Variants in NRG4 observed in about 807,000 individuals in gnomAD.
NRG4 encodes the protein neuregulin 4, also known as pro-neuregulin-4, membrane-bound isoform.
A neutral mutation model predicts 15.0 loss-of-function variants in NRG4; 10 were observed. The observed-to-expected ratio is 0.67, with a 90% confidence interval of 0.41 to 1.13. The LOEUF (loss-of-function observed/expected upper bound fraction) is 1.13, where lower values mean the gene tolerates loss of function less well. NRG4 is among the 50% of genes most tolerant of loss of function. The pLI, the probability that NRG4 is intolerant of heterozygous loss-of-function variation, is 0.00. For synonymous variants in NRG4, 41 were observed against 50.1 expected, an observed-to-expected ratio of 0.82 and a Z score of 0.77; for missense variants, 139 against 140.2, an observed-to-expected ratio of 0.99 and a Z score of 0.04.
chr15:75,980,843 T>A (rs977364182), intron 3 of NRG4, among the ~76,000 whole-genome samples: 12 of 150,542 alleles, frequency 8.0e-5, no homozygotes, highest in Non-Finnish European at 8.9e-5. Context: ...GAAAAAAAAA[T>A]AAAAAATGGT....
chr15:76,036,148 G>T (rs1045883505), intron 4 of NRG4, among the ~76,000 whole-genome samples: 1 of 152,112 alleles, frequency 6.6e-6, no homozygotes, highest in African/African-American at 2.4e-5. Context: ...ATCAGATTAG[G>T]TTTCTAAGAC....
chr15:75,994,182 C>G (rs1567097754), intron 3 of NRG4, among the ~76,000 whole-genome samples: 3 of 152,190 alleles, frequency 2.0e-5, no homozygotes, highest in Non-Finnish European at 4.4e-5. Flanking sequence ...ACTCTAAACT[C>G]TATCTCTCCT....
At chr15:75,987,888 A>G (rs1346658003) in intron 3 of NRG4, among the ~76,000 whole-genome samples, 1 of 152,214 alleles carries the variant, frequency 6.6e-6, no homozygotes, top group African/African-American at 2.4e-5. Flanking sequence ...TGCTTCAATA[A>G]TCAAAAGCAG....
chr15:76,023,170 AC>A (rs1567116186), intron 5 of NRG4, among the ~76,000 whole-genome samples: 16 of 147,834 alleles, frequency 1.1e-4, no homozygotes, highest in South Asian at 1.1e-3. Context: ...ACACACACAC[AC>A]ACACACACAC....
chr15:76,028,250 A>T (rs2035368642), intron 5 of NRG4, among the ~76,000 whole-genome samples: 1 of 152,042 alleles, frequency 6.6e-6, no homozygotes, highest in Non-Finnish European at 1.5e-5. Context: ...AACAAAATTG[A>T]CAAATCAGTA....
intron 4 of NRG4, among the ~76,000 whole-genome samples, chr15:76,036,434 T>C (rs2035598701): frequency 6.6e-6 from 1 of 152,216 alleles, no homozygotes; most frequent in Non-Finnish European, 1.5e-5. Context: ...CCTCAACTCA[T>C]AGTTTTTTAT....
chr15:75,968,294 A>G (rs1040042287), intron 3 of NRG4, among the ~76,000 whole-genome samples: 2 of 152,186 alleles, frequency 1.3e-5, no homozygotes, highest in African/African-American at 4.8e-5. Flanking sequence ...TGATCTAAAA[A>G]ATAAAGTCTA....
At chr15:75,944,769 G>A (rs959557384) in intron 5 of NRG4, among the ~76,000 whole-genome samples, 1 of 138,104 alleles carries the variant, frequency 7.2e-6, no homozygotes, top group East Asian at 2.0e-4. Context: ...GTGTGTGTGT[G>A]GGGGGGTGGT....
chr15:76,037,956 C>A (rs552320207), intron 4 of NRG4, among the ~76,000 whole-genome samples: 2 of 152,188 alleles, frequency 1.3e-5, no homozygotes, highest in South Asian at 4.2e-4. Flanking sequence ...AGAATTGTGG[C>A]CCCCATTCCA....
chr15:76,054,342 C>T (rs1040281253), intron 2 of NRG4, among the ~76,000 whole-genome samples: 1 of 151,774 alleles, frequency 6.6e-6, no homozygotes, highest in Non-Finnish European at 1.5e-5. Context: ...CTGCCCGCCT[C>T]AGCCTCCCAA....
At chr15:76,036,490 G>T (rs559973200) in intron 4 of NRG4, among the ~76,000 whole-genome samples, 1 of 152,082 alleles carries the variant, frequency 6.6e-6, no homozygotes, top group Non-Finnish European at 1.5e-5. Context: ...CAGAGAATGG[G>T]CTCTGGAGCC....
At chr15:75,964,321 A>G (rs943522575) in intron 3 of NRG4, among the ~76,000 whole-genome samples, 17 of 151,950 alleles carry the variant, frequency 1.1e-4, no homozygotes, top group African/African-American at 4.1e-4. Flanking sequence ...AACAAAAATA[A>G]AATAAAACCC....
intron 3 of NRG4, among the ~76,000 whole-genome samples, chr15:75,982,387 T>C (rs2033640772): frequency 1.3e-5 from 2 of 152,176 alleles, no homozygotes; most frequent in African/African-American, 4.8e-5. Flanking sequence ...AACATGATCA[T>C]GTCCTTAGAC....
At chr15:76,019,103 G>C (rs376302479) in intron 5 of NRG4, among the ~76,000 whole-genome samples, 1 of 152,050 alleles carries the variant, frequency 6.6e-6, no homozygotes, top group East Asian at 1.9e-4. Context: ...CACCTAGTTC[G>C]AACTTCCAGG....
chr15:75,936,949 G>A (rs897643356), downstream of NRG4: 1 of 152,098 alleles, frequency 6.6e-6, no homozygotes, highest in Non-Finnish European at 1.5e-5. Context: ...AAACAGGGAA[G>A]ATTGATTAAT....
chr15:76,013,589 G>A (rs938664898), upstream of NRG4, among the ~76,000 whole-genome samples: 3 of 151,956 alleles, frequency 2.0e-5, no homozygotes, highest in East Asian at 1.9e-4. Context: ...GAGAACATGC[G>A]GTGTTTGGTT....
upstream of NRG4, among the ~76,000 whole-genome samples, chr15:76,013,477 T>C (rs2141915683): frequency 6.6e-6 from 1 of 152,344 alleles, no homozygotes; most frequent in Non-Finnish European, 1.5e-5. Flanking sequence ...TAGGTATTTC[T>C]CCTAATGTTA....
chr15:76,042,088 C>T (rs772802464), intron 4 of NRG4, among the ~76,000 whole-genome samples: 1 of 151,792 alleles, frequency 6.6e-6, no homozygotes, highest in African/African-American at 2.4e-5. Flanking sequence ...ACCAGTGGGT[C>T]AATGAAGAAA....
chr15:76,029,983 G>A (rs1045205829), intron 5 of NRG4, among the ~76,000 whole-genome samples: 3 of 152,212 alleles, frequency 2.0e-5, no homozygotes, highest in South Asian at 4.1e-4. Flanking sequence ...TGCAGGCCAG[G>A]CATGGTGGCT....
Sources: allele counts gnomAD v4.1 joint callset (sites outside exome capture counted in the v4.1 genomes callset), GRCh38; gene constraint gnomAD v4.1.1; transcripts MANE v1.5; gene names NCBI Gene and HGNC (gene_info 2026-07-23, HGNC 2026-07-21).